KATNAL1: variants seen among roughly 807,000 people sequenced by gnomAD.
KATNAL1 encodes the protein katanin p60 ATPase-containing subunit A-like 1.
Under a neutral mutation model 55.2 loss-of-function variants are expected in KATNAL1, and 32 were observed. The ratio of observed to expected loss-of-function variants is 0.58; its 90% CI spans 0.44 to 0.78. The LOEUF is 0.78. Among genes scored for constraint, KATNAL1 ranks in the 30% least tolerant of loss-of-function variants. The pLI, the probability that KATNAL1 is intolerant of heterozygous loss-of-function variation, is 0.00. For synonymous variants in KATNAL1, 193 were observed against 193.6 expected (o/e 1.00, Z 0.02); for missense variants, 466 against 600.9 (o/e 0.78, Z 2.35).
At chr13:30,227,685 C>A (rs920516342) in intron 8 of KATNAL1, 139 bp from the exon 9 acceptor site, 2 of 633,900 alleles carry the variant, frequency 3.2e-6, no homozygotes, top group Admixed American at 3.3e-5. Context: ...GGTGGCAAAA[C>A]CAGACACACT....
At position 30,302,991 on chromosome 13, in the gene KATNAL1, A is replaced by G. The variant is rs1442235967; in HGVS notation, c.-15+4340T>C. On this transcript the variant is annotated intron_variant, in intron 1 of 10. Transcript: ENST00000380615. Reference sequence around the variant, plus strand: ...ACAAAATGCAAAACAATACTGAGATATGATTAAAAACTATAAAAAGTGCTC... The same window carrying G: ...ACAAAATGCAAAACAATACTGAGATGTGATTAAAAACTATAAAAAGTGCTC... Among the ~76,000 whole-genome samples the G allele has an allele frequency of 2.0e-5, 3 of 152,356 alleles. No individual in the cohort carries two copies. In the East Asian group the frequency reaches 5.8e-4, roughly 29 times the overall value.
At chr13:30,255,393 C>A (rs1878685600) in intron 4 of KATNAL1, 54 bp downstream of exon 4, 2 of 1,339,274 alleles carry the variant, frequency 1.5e-6, no homozygotes, top group Non-Finnish European at 9.8e-7. Context: ...ATCATAACAT[C>A]CACCAAAAGT....
rs55740915 is a variant in KATNAL1 at position 30,274,891 on chromosome 13, A to ACATACGCGCGCGCG, written c.323+5171_323+5172insCGCGCGCGCGTATG. On this transcript the variant is annotated intron_variant, in intron 3 of 10. Coordinates refer to ENST00000380615, the MANE Select transcript of KATNAL1 (RefSeq NM_032116.5). ...GGGGGCGGGGTGTGTGCACACACAT[A>ACATACGCGCGCGCG]CGCGCGCGCGCGCGCGCACACACAC... is the stretch of plus-strand genomic sequence containing the variant. Among the ~76,000 whole-genome samples the ACATACGCGCGCGCG allele has an allele frequency of 2.4e-3, 296 of 121,928 alleles. 3 individuals carry two copies. The highest frequency in any genetic ancestry group is 8.3e-3 in the Admixed American group (98 of 11,750). The allele number at this position is 121,928 out of a possible 152,430, so 80.0% of individuals were successfully genotyped here.
At position 30,206,281 on chromosome 13, in the gene KATNAL1, A is replaced by T. The variant is rs1873141179; in HGVS notation, c.*2259T>A. On this transcript the variant is annotated 3_prime_UTR_variant, in exon 11 of 11. Coordinates refer to ENST00000380615, the MANE Select transcript of KATNAL1 (RefSeq NM_032116.5). ...GGGCGACAGAGCAAGACTCAGTCTCAAAATAAATAAATAAATAAAATAAAA... is the reference window on the plus strand; with the variant it reads ...GGGCGACAGAGCAAGACTCAGTCTCTAAATAAATAAATAAATAAAATAAAA... 1 of 149,068 alleles carries T rather than the reference A, an allele frequency of 6.7e-6. No individual in the cohort carries two copies. Among genetic ancestry groups the T allele is most frequent in the African/African-American group, 2.4e-5 (1 of 41,182 alleles). The allele number at this position is 149,068 out of a possible 1,614,324, so 9.2% of individuals were successfully genotyped here.
intron 1 of KATNAL1, among the ~76,000 whole-genome samples, chr13:30,293,512 T>C (rs1158459804): frequency 1.3e-5 from 2 of 152,216 alleles, no homozygotes; most frequent in Non-Finnish European, 2.9e-5. Context: ...GCCTGCTTTT[T>C]AAAAATCAGC....
intron 1 of KATNAL1, among the ~76,000 whole-genome samples, chr13:30,286,930 T>G (rs141344870): frequency 6.6e-6 from 1 of 152,200 alleles, no homozygotes; most frequent in Non-Finnish European, 1.5e-5. Flanking sequence ...GACTGCCCGA[T>G]TGGATTTCAG....
intron 9 of KATNAL1, 83 bp from the exon 10 acceptor site, chr13:30,210,525 G>C: frequency 8.0e-7 from 1 of 1,257,766 alleles, no homozygotes; most frequent in South Asian, 1.5e-5. Context: ...ACATTTGGGG[G>C]AAAAATGAGG....
intron 6 of KATNAL1, among the ~76,000 whole-genome samples, chr13:30,239,685 ATTTTT>A (rs35752433): frequency 1.0e-5 from 1 of 99,046 alleles, no homozygotes; most frequent in Admixed American, 1.2e-4. Flanking sequence ...TACAGAAGTG[ATTTTT>A]TTTTTTTTTT....
intron 9 of KATNAL1, among the ~76,000 whole-genome samples, chr13:30,217,151 C>T (rs751988017): frequency 6.6e-6 from 1 of 152,164 alleles, no homozygotes; most frequent in African/African-American, 2.4e-5. Context: ...GATTTACCAG[C>T]TCCATAAAAC....
At chr13:30,218,355 G>A (rs1874519897) in intron 9 of KATNAL1, among the ~76,000 whole-genome samples, 1 of 151,932 alleles carries the variant, frequency 6.6e-6, no homozygotes, top group African/African-American at 2.4e-5. Flanking sequence ...TGAGAAAGGA[G>A]TACATTGGGC....
At chr13:30,228,334 T>A (rs921790802) in intron 8 of KATNAL1, among the ~76,000 whole-genome samples, 1 of 152,188 alleles carries the variant, frequency 6.6e-6, no homozygotes, top group Non-Finnish European at 1.5e-5. Context: ...CAGTATTTTT[T>A]AAAAAAACAA....
intron 3 of KATNAL1, among the ~76,000 whole-genome samples, chr13:30,269,747 C>A (rs1290017792): frequency 6.7e-6 from 1 of 149,298 alleles, no homozygotes; most frequent in East Asian, 2.0e-4. Flanking sequence ...GAGAGGAGAC[C>A]CTCCGCCTGG....
chr13:30,280,516 C>T (rs1436598468), intron 2 of KATNAL1, among the ~76,000 whole-genome samples: 11 of 152,226 alleles, frequency 7.2e-5, no homozygotes, highest in Non-Finnish European at 1.5e-4. Context: ...AAACAAGCAA[C>T]TAAGTAGGTA....
intron 6 of KATNAL1, 137 bp from the exon 7 acceptor site, chr13:30,231,609 AT>A: frequency 2.0e-6 from 1 of 497,530 alleles, no homozygotes; most frequent in Non-Finnish European, 3.3e-6. Context: ...ATCATGATGC[AT>A]TTAGTAAGAG....
chr13:30,274,897 GCGCGCGCGCGCACACACA>G lies in KATNAL1; in HGVS notation c.323+5148_323+5165del, dbSNP rs1304318331. ...GGGGTGTGTGCACACACATACGCGC[GCGCGCGCGCGCACACACA>G]CACACACACACACACACACACACAC... On this transcript the variant is annotated intron_variant, in intron 3 of 10. Coordinates refer to ENST00000380615, the MANE Select transcript of KATNAL1 (RefSeq NM_032116.5). 3.8e-3 allele frequency among the ~76,000 whole-genome samples: 399 copies of G among 104,038 alleles called. 3 individuals carry two copies. The highest frequency in any genetic ancestry group is 0.016 in the African/African-American group (369 of 22,882). 68.3% of individuals were successfully genotyped at this position (104,038 alleles called of 152,430 possible).
intron 1 of KATNAL1, among the ~76,000 whole-genome samples, chr13:30,295,487 G>C (rs1051981620): frequency 2.6e-5 from 4 of 152,118 alleles, no homozygotes; most frequent in African/African-American, 9.7e-5. Context: ...AACGGGGTAG[G>C]GCACAGTGGC....
chr13:30,221,728 G>A lies in KATNAL1; in HGVS notation c.1147+5684C>T, dbSNP rs148824006. Among the ~76,000 whole-genome samples the A allele has an allele frequency of 5.2e-4, 79 of 152,276 alleles. No individual in the cohort carries two copies. The East Asian group carries it at 8.1e-3, about 16-fold the overall frequency. On this transcript the variant is annotated intron_variant, in intron 9 of 10. Transcript: ENST00000380615. ...ATGGTTAATTTTATACGTCAACTTG[G>A]CTGGGCAATGGTGCCCAAACAGTGG...
intron 3 of KATNAL1, among the ~76,000 whole-genome samples, chr13:30,261,241 C>T (rs1566113430): frequency 1.3e-5 from 2 of 151,982 alleles, no homozygotes; most frequent in Admixed American, 1.3e-4. Flanking sequence ...AAAGGAACAA[C>T]CGATACCAGC....
intron 3 of KATNAL1, among the ~76,000 whole-genome samples, chr13:30,270,863 A>T (rs1880294918): frequency 6.6e-6 from 1 of 150,956 alleles, no homozygotes; most frequent in Non-Finnish European, 1.5e-5. Flanking sequence ...TTGTCCTATG[A>T]CCCTGCCAAA....
Sources: allele counts gnomAD v4.1 joint callset (sites outside exome capture counted in the v4.1 genomes callset), GRCh38; gene constraint gnomAD v4.1.1; transcripts MANE v1.5; gene names NCBI Gene and HGNC (gene_info 2026-07-23, HGNC 2026-07-21).